Variants in AKAP13 observed in about 807,000 individuals in gnomAD.
AKAP13 encodes the protein A-kinase anchoring protein 13, also known as A-kinase anchor protein 13.
A neutral mutation model predicts 264.5 loss-of-function variants in AKAP13; 80 were observed. That is an observed-to-expected ratio of 0.30 (90% CI 0.25 to 0.36). The LOEUF is 0.36. Ranked by LOEUF, AKAP13 falls within the 10% of genes least tolerant of loss-of-function variation. The pLI is 1.00. For synonymous variants in AKAP13, 1,380 were observed against 1,250.2 expected, an observed-to-expected ratio of 1.10 and a Z score of -2.19; for missense variants, 3,712 against 3,435.2, an observed-to-expected ratio of 1.08 and a Z score of -2.01.
Position 85,730,682 on chromosome 15 carries a change from T to A in AKAP13, c.7257T>A (p.Pro2419=). ...CAGAAGAGGCTCTCAAAGGAGGACC[T>A]TTAATGAAAAGTGCAATAAATGAGG... ...SNTEEALKGG[P]LMKSAINEVE... The change falls in exon 30 of 37, where the codon CCT becomes CCA. Residue 2419 remains proline (P), a synonymous_variant. Transcript: ENST00000394518. 1 of 1,613,768 alleles carries A rather than the reference T, an allele frequency of 6.2e-7. No individual in the cohort carries two copies. The highest frequency in any genetic ancestry group is 1.1e-5 in the South Asian group (1 of 91,034).
intron 1 of AKAP13, among the ~76,000 whole-genome samples, chr15:85,411,266 C>T (rs1264883280): frequency 6.6e-6 from 1 of 152,286 alleles, no homozygotes; most frequent in South Asian, 2.1e-4. Context: ...GCCAGTTCCA[C>T]TTAATGTCTG....
intron 8 of AKAP13, among the ~76,000 whole-genome samples, chr15:85,602,118 A>G (rs12440767): frequency 0.074 from 11,293 of 152,116 alleles, 646 homozygotes; most frequent in East Asian, 0.2. Context: ...CTTTGATACT[A>G]GATCAGAATT....
At chr15:85,465,021 A>C (rs1044941601) in intron 1 of AKAP13, among the ~76,000 whole-genome samples, 1 of 152,008 alleles carries the variant, frequency 6.6e-6, no homozygotes, top group African/African-American at 2.4e-5. Context: ...GCTCACTGCA[A>C]GCTCCGCCTC....
chr15:85,668,573 T>TA (rs2083732655), intron 13 of AKAP13, among the ~76,000 whole-genome samples: 1 of 152,244 alleles, frequency 6.6e-6, no homozygotes, highest in African/African-American at 2.4e-5. Context: ...GGAAGAGATT[T>TA]AGGCTTCTTT....
intron 1 of AKAP13, among the ~76,000 whole-genome samples, chr15:85,408,676 A>G (rs2071795201): frequency 1.3e-5 from 2 of 151,856 alleles, no homozygotes; most frequent in Non-Finnish European, 1.5e-5. Flanking sequence ...TTAAGGCAGA[A>G]TAATATTCCA....
At chr15:85,488,143 C>T (rs2075618753) in intron 2 of AKAP13, among the ~76,000 whole-genome samples, 2 of 152,262 alleles carry the variant, frequency 1.3e-5, no homozygotes, top group South Asian at 4.1e-4. Context: ...CCTCGGCCTC[C>T]CAAAGTGCTG....
At chr15:85,735,528 TAA>T (rs367968392) in intron 31 of AKAP13, 30 bp from the exon 32 acceptor site, 3 of 1,225,114 alleles carry the variant, frequency 2.4e-6, no homozygotes, top group African/African-American at 3.1e-5. Context: ...TTCACAACTT[TAA>T]AAAAAAAAAC....
intron 1 of AKAP13, among the ~76,000 whole-genome samples, chr15:85,460,804 A>G (rs765143851): frequency 2.6e-5 from 4 of 152,216 alleles, no homozygotes; most frequent in Non-Finnish European, 5.9e-5. Context: ...AAGAGATGCA[A>G]GTGCCCACTA....
chr15:85,486,155 T>A (rs2075534430), intron 2 of AKAP13, among the ~76,000 whole-genome samples: 1 of 152,218 alleles, frequency 6.6e-6, no homozygotes, highest in South Asian at 2.1e-4. Context: ...TTGGCAAGAG[T>A]ACTGTTTTCT....
intron 11 of AKAP13, 96 bp downstream of exon 11, chr15:85,655,883 C>T (rs2083068117): frequency 6.7e-7 from 1 of 1,482,802 alleles, no homozygotes; most frequent in African/African-American, 1.4e-5. Flanking sequence ...TTTAGGAGAC[C>T]CCATAGTATA....
At chr15:85,716,022 A>G (rs2086914298) in intron 20 of AKAP13, 99 bp downstream of exon 20, 1 of 1,399,944 alleles carries the variant, frequency 7.1e-7, no homozygotes, top group Admixed American at 2.9e-5. Context: ...TTTTTAAGAA[A>G]TAAATCTATA....
intron 16 of AKAP13, chr15:85,691,876 G>A (rs140328260): frequency 3.9e-4 from 193 of 490,258 alleles, no homozygotes; most frequent in African/African-American, 2.4e-3. Flanking sequence ...CAGAGAGCAC[G>A]GCGTAGGAAG....
chr15:85,722,938 C>A, intron 25 of AKAP13, 134 bp from the exon 26 acceptor site: 1 of 1,201,344 alleles, frequency 8.3e-7, no homozygotes. Flanking sequence ...CACATGATCT[C>A]TGACGTGTTG....
Position 85,579,897 on chromosome 15 carries a change from G to T in AKAP13, c.1829G>T (p.Gly610Val). 6.2e-7 allele frequency: 1 copy of T among 1,614,184 alleles called. No homozygotes were observed. The highest frequency in any genetic ancestry group is 2.2e-5 in the East Asian group (1 of 44,890). ...GAACCTTATACTCTCTTAGCAGCAG[G>T]CATAGGTGAGGCAATGTCACCCTCA... ...GLEPYTLLAA[G>V]IGEAMSPSDL... Residue 610 changes from glycine to valine, a missense_variant, in exon 7 of 37, where the codon GGC becomes GTC. Transcript: ENST00000394518.
chr15:85,588,836 G>T (rs912173583), intron 8 of AKAP13, among the ~76,000 whole-genome samples: 57 of 152,154 alleles, frequency 3.7e-4, no homozygotes, highest in African/African-American at 1.4e-3. Context: ...ACAACAGGGC[G>T]ATTCCTCCTT....
At chr15:85,568,053 C>T (rs1330806665) in intron 5 of AKAP13, among the ~76,000 whole-genome samples, 2 of 151,522 alleles carry the variant, frequency 1.3e-5, no homozygotes, top group East Asian at 3.9e-4. Flanking sequence ...GAGACTGAGG[C>T]AGGCAGATTG....
At chr15:85,689,417 A>T (rs1055493309) in intron 16 of AKAP13, among the ~76,000 whole-genome samples, 1 of 152,196 alleles carries the variant, frequency 6.6e-6, no homozygotes, top group Non-Finnish European at 1.5e-5. Context: ...TTGTAATTAC[A>T]TGTATAAAGG....
In AKAP13 at chr15:85,744,619, C is replaced by G; in HGVS notation, c.8393-9C>G. 1 of 1,613,952 alleles carries G rather than the reference C, an allele frequency of 6.2e-7. No homozygotes were observed. The highest frequency in any genetic ancestry group is 8.5e-7 in the Non-Finnish European group (1 of 1,179,956). ...GAATTTTTTTCATTCTTGGTTTTCA[C>G]ATTTCCAGATGGTCCCGCGTCAGAA... On this transcript the variant is annotated splice_polypyrimidine_tract_variant and intron_variant, in intron 36 of 36. Transcript: ENST00000394518.
In AKAP13 at chr15:85,580,892, C is replaced by G. The variant is rs367658486; in HGVS notation, c.2824C>G (p.Leu942Val). 3 of 1,614,070 alleles carry G rather than the reference C, an allele frequency of 1.9e-6. No homozygotes were observed. Among genetic ancestry groups the G allele is most frequent in the African/African-American group, 2.7e-5 (2 of 74,930 alleles). ...CTGTTCCTCTATTAAGGAAAATGCT[C>G]TCTCTTCAGGAACTTTGCAGGAAGA... ...VTCSSIKENA[L>V]SSGTLQEEQR... The change falls in exon 7 of 37, where the codon CTC (leucine) becomes GTC (valine). Residue 942 changes from leucine to valine, a missense_variant. Physicochemically the swap from Leu to Val is conservative, Grantham distance 32. Coordinates refer to ENST00000394518, the MANE Select transcript of AKAP13 (RefSeq NM_007200.5).
Sources: gnomAD v4.1 joint callset for allele counts (sites outside exome capture counted in the v4.1 genomes callset) on GRCh38, gnomAD v4.1.1 for gene constraint, MANE v1.5 for transcripts, NCBI Gene and HGNC (gene_info 2026-07-23, HGNC 2026-07-21) for gene names.